Variants in HIVEP1 observed in about 807,000 individuals in gnomAD.
HIVEP1 encodes the protein zinc finger protein 40.
A neutral mutation model predicts 180.0 loss-of-function variants in HIVEP1; 36 were observed. That is an observed-to-expected ratio of 0.20 (90% confidence interval 0.15 to 0.26). The LOEUF (loss-of-function observed/expected upper bound fraction) is 0.26. Ranked by LOEUF, HIVEP1 falls within the 10% of genes least tolerant of loss-of-function variation. The pLI is 1.00. For synonymous variants in HIVEP1, 1,239 were observed against 1,239.0 expected (o/e 1.00, Z 0.00); for missense variants, 3,143 against 3,268.7 (o/e 0.96, Z 0.94).
At chr6:12,064,006 T>C (rs929685907) in intron 2 of HIVEP1, among the ~76,000 whole-genome samples, 1 of 152,190 alleles carries the variant, frequency 6.6e-6, no homozygotes. Context: ...GCAAGGAACA[T>C]GCCTTGGTAT....
the HIVEP1 span, among the ~76,000 whole-genome samples, chr6:12,204,039 T>C: frequency 6.6e-6 from 1 of 151,374 alleles, no homozygotes; most frequent in African/African-American, 2.4e-5. Context: ...TTTGCACCAC[T>C]GCACTCCAGC....
intron 2 of HIVEP1, among the ~76,000 whole-genome samples, chr6:12,058,179 G>A (rs1031234970): frequency 6.6e-6 from 1 of 152,160 alleles, no homozygotes; most frequent in South Asian, 2.1e-4. Flanking sequence ...ATGTAAGGGG[G>A]CTTTGGTCTG....
chr6:12,204,579 C>T, the HIVEP1 span, among the ~76,000 whole-genome samples: 1 of 152,150 alleles, frequency 6.6e-6, no homozygotes, highest in Non-Finnish European at 1.5e-5. Flanking sequence ...CTTCTGGTTT[C>T]CACACTAAAA....
rs1363363853 is a variant in HIVEP1, at chr6:12,045,834, G to A, written c.40+30166G>A. 3.9e-5 allele frequency among the ~76,000 whole-genome samples: 6 copies of A among 152,174 alleles called. No individual in the cohort carries two copies. The South Asian group carries it at 6.2e-4, about 16-fold the overall frequency. ...CCATCACATCTGCAGTGGTGAATACGTGCCTAATAAAAATTTGATAATAAC... is the reference window on the plus strand; with the variant it reads ...CCATCACATCTGCAGTGGTGAATACATGCCTAATAAAAATTTGATAATAAC... On this transcript the variant is annotated intron_variant, in intron 2 of 8. Coordinates refer to ENST00000379388, the MANE Select transcript of HIVEP1 (RefSeq NM_002114.4).
In HIVEP1 at chr6:12,161,788, G is replaced by T. The variant is rs775777539; in HGVS notation, c.6837G>T (p.Gln2279His). 6.2e-7 allele frequency: 1 copy of T among 1,614,216 alleles called. No homozygotes were observed. The highest frequency in any genetic ancestry group is 2.2e-5 in the East Asian group (1 of 44,880). ...RKTLSPGKAR[Q>H]RAARDENDTI... ...CACTCTCTCCGGGGAAGGCCAGGCA[G>T]CGTGCTGCGAGAGATGAAAACGACA... The change falls in exon 8 of 9, where the codon CAG becomes CAT. Residue 2279 changes from glutamine (Q) to histidine (H), a missense_variant. Gln to His is a conservative substitution (Grantham distance 24, BLOSUM62 0). Around this residue, in one of 12 missense-constraint regions of HIVEP1, gnomAD observed 595 missense variants for 602.2 expected, o/e 0.99. Transcript: ENST00000379388.
At chr6:12,115,725 A>T (rs1404905884) in intron 3 of HIVEP1, among the ~76,000 whole-genome samples, 1 of 152,092 alleles carries the variant, frequency 6.6e-6, no homozygotes, top group African/African-American at 2.4e-5. Context: ...TTGTGTTTCA[A>T]TGCTGGTGTA....
intron 2 of HIVEP1, among the ~76,000 whole-genome samples, chr6:12,064,857 C>T (rs1326160968): frequency 1.3e-5 from 2 of 152,158 alleles, no homozygotes; most frequent in Non-Finnish European, 2.9e-5. Flanking sequence ...TCCCGATTTC[C>T]CAGTGGGCCT....
At position 12,124,529 on chromosome 6, in the gene HIVEP1, G is replaced by A; in HGVS notation, c.4734G>A (p.Val1578=). ...GCCCATCTTGCTCTTCTAATCCTGT[G>A]CATTCTTTGCCAAATCAAGTTATTT... ...TSGPSCSSNP[V]HSLPNQVISD... The change falls in exon 4 of 9, where the codon GTG becomes GTA. Residue 1578 remains valine, a synonymous_variant. Coordinates refer to ENST00000379388, the MANE Select transcript of HIVEP1 (RefSeq NM_002114.4). 2 of 1,614,080 alleles carry A rather than the reference G, an allele frequency of 1.2e-6. No individual in the cohort carries two copies. The highest frequency in any genetic ancestry group is 1.7e-6 in the Non-Finnish European group (2 of 1,180,006).
At chr6:12,028,811 T>G (rs1185924040) in intron 2 of HIVEP1, among the ~76,000 whole-genome samples, 2 of 152,236 alleles carry the variant, frequency 1.3e-5, no homozygotes, top group African/African-American at 2.4e-5. Context: ...CAGTCCAGTT[T>G]TAGAACATGT....
intron 3 of HIVEP1, among the ~76,000 whole-genome samples, chr6:12,111,895 A>G (rs1174754404): frequency 1.3e-5 from 2 of 152,226 alleles, no homozygotes; most frequent in Non-Finnish European, 2.9e-5. Context: ...GCCATTTTAT[A>G]GGGCCATTAT....
intron 2 of HIVEP1, among the ~76,000 whole-genome samples, chr6:12,083,568 C>T (rs769868540): frequency 5.9e-5 from 9 of 152,060 alleles, no homozygotes; most frequent in Non-Finnish European, 1.2e-4. Flanking sequence ...ATGCCAGGGA[C>T]ACAGAGGAGT....
In HIVEP1 at chr6:12,124,017, T is replaced by C. The variant is rs750475007; in HGVS notation, c.4222T>C (p.Ser1408Pro). ...TTPLTELQPP[S>P]SPSRVGVTGH... is the part of the protein sequence containing the mutation. Reference sequence around the variant, plus strand: ...ACCACTTACTGAATTGCAGCCTCCATCTTCACCTTCTCGAGTGGGAGTGAC... The same window carrying C: ...ACCACTTACTGAATTGCAGCCTCCACCTTCACCTTCTCGAGTGGGAGTGAC... The change falls in exon 4 of 9, where the codon TCT becomes CCT. Residue 1408 changes from serine (S) to proline (P), a missense_variant. Ser to Pro is a moderately conservative substitution (Grantham distance 74, BLOSUM62 -1). Transcript: ENST00000379388. The C allele has an allele frequency of 2.5e-6, 4 of 1,614,004 alleles. No homozygotes were observed. The South Asian group carries it at 4.4e-5, about 18-fold the overall frequency.
At chr6:12,071,959 A>G (rs1384901315) in intron 2 of HIVEP1, among the ~76,000 whole-genome samples, 1 of 152,144 alleles carries the variant, frequency 6.6e-6, no homozygotes, top group African/African-American at 2.4e-5. Context: ...ATAGTCTTAC[A>G]TTTGCCTCTG....
At chr6:12,055,197 A>T (rs1024698966) in intron 2 of HIVEP1, among the ~76,000 whole-genome samples, 3 of 152,214 alleles carry the variant, frequency 2.0e-5, no homozygotes, top group African/African-American at 7.2e-5. Flanking sequence ...TAAAATCATG[A>T]TTTTCAGTGG....
At chr6:12,060,575 G>A (rs66530314) in intron 2 of HIVEP1, among the ~76,000 whole-genome samples, 32,903 of 152,016 alleles carry the variant, frequency 0.22, 4,237 homozygotes, top group Middle Eastern at 0.32. Flanking sequence ...TCTCTCTGTC[G>A]TTTTTAAGAA....
intron 2 of HIVEP1, among the ~76,000 whole-genome samples, chr6:12,035,512 T>C (rs765049602): frequency 2.4e-4 from 36 of 152,368 alleles, no homozygotes; most frequent in Non-Finnish European, 4.6e-4. Context: ...TTTTGCTTTT[T>C]ATGTATTCCT....
Position 12,122,449 on chromosome 6 carries a change from C to T in HIVEP1, c.2654C>T (p.Ala885Val), listed in dbSNP as rs1453290233. The change falls in exon 4 of 9, where the codon GCT (alanine) becomes GTT (valine). Residue 885 changes from alanine to valine, a missense_variant. Coordinates refer to ENST00000379388, the MANE Select transcript of HIVEP1 (RefSeq NM_002114.4). ...GATGTCTTTGTATCGGGACCTAACG[C>T]TCCTGTGCCCCAGAGTGGGCATCCC... ...YDDVFVSGPNAPVPQSGHPRT... is the reference protein window; with the variant it reads ...YDDVFVSGPNVPVPQSGHPRT... 1.9e-6 allele frequency: 3 copies of T among 1,614,106 alleles called. No individual in the cohort carries two copies. Among genetic ancestry groups the T allele is most frequent in the Admixed American group, 1.7e-5 (1 of 60,014 alleles).
At position 12,129,892 on chromosome 6, in the gene HIVEP1, G is replaced by A; in HGVS notation, c.6209G>A (p.Gly2070Glu). Residue 2070 changes from glycine (G) to glutamate (E), a missense_variant and splice_region_variant, in exon 5 of 9, where the codon GGA becomes GAA. By Grantham distance (98) the Gly-to-Glu change is moderately conservative. Transcript: ENST00000379388. ...AGAAGAATTAAAATATTTGATGGAG[G>A]GCAAGTACAAATTTTACTTCTTAAA... is the stretch of plus-strand genomic sequence containing the variant. The part of the protein sequence containing the change: ...EPRRIKIFDG[G>E]YKSNEEYVYV... The A allele has an allele frequency of 6.5e-7, 1 of 1,538,712 alleles. No individual in the cohort carries two copies. The highest frequency in any genetic ancestry group is 8.9e-7 in the Non-Finnish European group (1 of 1,122,026).
the HIVEP1 span, among the ~76,000 whole-genome samples, chr6:12,175,613 A>G: frequency 6.6e-6 from 1 of 152,216 alleles, no homozygotes; most frequent in African/African-American, 2.4e-5. Context: ...CTTACACCCT[A>G]TTTTTAAATA....
Sources: gnomAD v4.1 joint callset for allele counts (sites outside exome capture counted in the v4.1 genomes callset) on GRCh38, gnomAD v4.1.1 for gene constraint, gnomAD v4.1.1 regional missense constraint, MANE v1.5 for transcripts, NCBI Gene and HGNC (gene_info 2026-07-23, HGNC 2026-07-21) for gene names.